MTMR7: variants seen among roughly 807,000 people sequenced by gnomAD.
MTMR7 encodes the protein phosphatidylinositol-3-phosphate phosphatase MTMR7.
In MTMR7, 76 loss-of-function variants were observed where a neutral mutation model predicts 81.2. The observed-to-expected ratio is 0.94, with a 90% CI of 0.78 to 1.13. MTMR7 has a LOEUF of 1.13. MTMR7 is among the 50% of genes most tolerant of loss of function. The probability of loss-of-function intolerance (pLI) is 0.00; values close to 1 mark genes in which losing one functional copy is unlikely to be tolerated. For synonymous variants in MTMR7, 372 were observed against 289.8 expected, an observed-to-expected ratio of 1.28 and a Z score of -2.88; for missense variants, 1,044 against 820.0, an observed-to-expected ratio of 1.27 and a Z score of -3.34.
At chr8:17,361,818 A>G (rs1210585349) in intron 3 of MTMR7, among the ~76,000 whole-genome samples, 2 of 152,244 alleles carry the variant, frequency 1.3e-5, no homozygotes, top group Non-Finnish European at 2.9e-5. Context: ...AAACAACTAC[A>G]TAAATATCGT....
intron 7 of MTMR7, among the ~76,000 whole-genome samples, chr8:17,315,434 G>C (rs1405840257): frequency 2.0e-5 from 3 of 152,070 alleles, no homozygotes; most frequent in Admixed American, 2.0e-4. Flanking sequence ...CCCACAGAAT[G>C]TCCAACAGCA....
chr8:17,346,081 A>T (rs1229316714), intron 5 of MTMR7: 1 of 152,204 alleles, frequency 6.6e-6, no homozygotes, highest in Admixed American at 6.5e-5. Context: ...CAGCACAGAT[A>T]ACTACTCTGG....
intron 4 of MTMR7, among the ~76,000 whole-genome samples, chr8:17,353,837 G>A (rs1366457516): frequency 6.6e-6 from 1 of 152,088 alleles, no homozygotes; most frequent in East Asian, 1.9e-4. Flanking sequence ...ACATCCCTTG[G>A]TGCTGTCCTG....
intron 2 of MTMR7, among the ~76,000 whole-genome samples, chr8:17,371,781 T>A (rs1820427589): frequency 6.6e-6 from 1 of 151,970 alleles, no homozygotes; most frequent in Admixed American, 6.6e-5. Flanking sequence ...TACAGTGTGA[T>A]GCTGTGATAT....
At chr8:17,376,521 T>C (rs1041844242) in intron 1 of MTMR7, among the ~76,000 whole-genome samples, 5 of 152,182 alleles carry the variant, frequency 3.3e-5, no homozygotes, top group Admixed American at 3.3e-4. Flanking sequence ...TGGACTATTT[T>C]CCAAAGCAGC....
chr8:17,404,323 G>A (rs760233438), intron 1 of MTMR7, among the ~76,000 whole-genome samples: 2 of 152,070 alleles, frequency 1.3e-5, no homozygotes, highest in East Asian at 1.9e-4. Context: ...ACGGTGGATC[G>A]CCGAGATTGG....
chr8:17,389,476 C>T (rs180801366), intron 1 of MTMR7, among the ~76,000 whole-genome samples: 1 of 152,336 alleles, frequency 6.6e-6, no homozygotes, highest in African/African-American at 2.4e-5. Context: ...GATCACACTT[C>T]AGAACATCAC....
intron 3 of MTMR7, among the ~76,000 whole-genome samples, chr8:17,364,723 C>G (rs559089195): frequency 6.6e-6 from 1 of 152,296 alleles, no homozygotes; most frequent in South Asian, 2.1e-4. Flanking sequence ...TAATTCCATC[C>G]ATGTTGTCAC....
rs755043450 is a variant in MTMR7 at position 17,311,611 on chromosome 8, A to G, written c.1001T>C (p.Val334Ala). ...CCAGCCATCAGAACAGTGAACAAGC[A>G]CACTTGCCCCTTCCTCTGACACTGC... ...AKAVSEEGAS[V>A]LVHCSDGWDR... Residue 334 changes from valine to alanine, a missense_variant, in exon 9 of 14, where the codon GTG becomes GCG. Physicochemically the swap from Val to Ala is moderately conservative, Grantham distance 64. Transcript: ENST00000180173. The G allele has an allele frequency of 1.9e-6, 3 of 1,614,138 alleles. No individual in the cohort carries two copies. The highest frequency in any genetic ancestry group is 2.2e-5 in the East Asian group (1 of 44,882).
At chr8:17,350,052 G>C (rs966833621) in intron 4 of MTMR7, among the ~76,000 whole-genome samples, 3 of 152,212 alleles carry the variant, frequency 2.0e-5, no homozygotes, top group African/African-American at 7.2e-5. Flanking sequence ...AATGTTAGTG[G>C]TAGCAACAGT....
intron 1 of MTMR7, among the ~76,000 whole-genome samples, chr8:17,384,673 AT>A (rs1470283293): frequency 6.6e-6 from 1 of 152,246 alleles, no homozygotes; most frequent in Non-Finnish European, 1.5e-5. Context: ...GAAAAAGGGC[AT>A]TTGGTTTTTC....
chr8:17,390,073 TAAA>T (rs71215250), intron 1 of MTMR7, among the ~76,000 whole-genome samples: 5 of 131,884 alleles, frequency 3.8e-5, no homozygotes, highest in African/African-American at 7.9e-5. Context: ...GGGAATATGT[TAAA>T]AAAAAAAAAA....
chr8:17,303,634 A>G (rs890750011), intron 12 of MTMR7, among the ~76,000 whole-genome samples: 6 of 139,924 alleles, frequency 4.3e-5, no homozygotes, highest in Non-Finnish European at 6.2e-5. Context: ...TTTGAGATGG[A>G]GTTTTGCTCT....
At chr8:17,305,613 G>C in intron 11 of MTMR7, 144 bp downstream of exon 11, 1 of 659,270 alleles carries the variant, frequency 1.5e-6, no homozygotes, top group South Asian at 2.2e-5. Context: ...AATGACACCA[G>C]GAAAAAGAAA....
At chr8:17,313,443 C>T (rs772623072) in intron 7 of MTMR7, 42 bp from the exon 8 acceptor site, 1 of 1,283,774 alleles carries the variant, frequency 7.8e-7, no homozygotes, top group Non-Finnish European at 1.1e-6. Flanking sequence ...TTAAGGTACT[C>T]TCTCATTTTA....
In MTMR7 at chr8:17,399,108, T is replaced by C. The variant is rs901652022; in HGVS notation, c.24+14161A>G. 2.6e-5 allele frequency among the ~76,000 whole-genome samples: 4 copies of C among 151,394 alleles called. No individual in the cohort carries two copies. The South Asian group carries it at 6.3e-4, about 24-fold the overall frequency. On this transcript the variant is annotated intron_variant, in intron 1 of 13. Transcript: ENST00000180173. ...TCATTGTCACTACAATTATTCAACA[T>C]AGTACTAGAAGTCCAAGCTAGATCA...
chr8:17,316,320 CTTT>C (rs925508782), intron 7 of MTMR7, among the ~76,000 whole-genome samples: 4 of 151,806 alleles, frequency 2.6e-5, no homozygotes, highest in South Asian at 2.1e-4. Flanking sequence ...TTTTATCCAA[CTTT>C]TTTTAGATAT....
At chr8:17,363,905 TA>T (rs759525869) in intron 3 of MTMR7, among the ~76,000 whole-genome samples, 32 of 136,886 alleles carry the variant, frequency 2.3e-4, no homozygotes, top group Admixed American at 3.0e-4. Flanking sequence ...GAGGCAAGCT[TA>T]AAAAAAAAAA....
At chr8:17,396,077 T>C (rs963811471) in intron 1 of MTMR7, among the ~76,000 whole-genome samples, 1 of 151,684 alleles carries the variant, frequency 6.6e-6, no homozygotes, top group Non-Finnish European at 1.5e-5. Context: ...TTAAATAATA[T>C]AATAATATCC....
Sources: allele counts gnomAD v4.1 joint callset (sites outside exome capture counted in the v4.1 genomes callset), GRCh38; gene constraint gnomAD v4.1.1; transcripts MANE v1.5; gene names NCBI Gene and HGNC (gene_info 2026-07-23, HGNC 2026-07-21).